The following CCDC117 variants were observed in gnomAD, a reference collection of about 807,000 sequenced individuals.
CCDC117 encodes the protein coiled-coil domain containing 117, also known as coiled-coil domain-containing protein 117.
CCDC117 carries 1 observed loss-of-function variant against 23.5 expected under a neutral mutation model. That is an observed-to-expected ratio of 0.04 (90% CI 0.02 to 0.20). CCDC117 has a LOEUF of 0.20. Among genes scored for constraint, CCDC117 ranks in the 10% least tolerant of loss-of-function variants. The pLI is 1.00. For missense variants in CCDC117, 383 were observed against 348.2 expected (o/e 1.10, Z -0.80); for synonymous variants, 132 against 124.8 (o/e 1.06, Z -0.39).
At chr22:28,780,619 C>G (rs1227947572) in intron 2 of CCDC117, among the ~76,000 whole-genome samples, 1 of 152,180 alleles carries the variant, frequency 6.6e-6, no homozygotes, top group Non-Finnish European at 1.5e-5. Flanking sequence ...GCCACCACAC[C>G]TAGCCAACTT....
Position 28,786,126 on chromosome 22 carries a change from C to T in CCDC117, c.640C>T (p.Leu214Phe). Residue 214 changes from leucine (L) to phenylalanine (F), a missense_variant, in exon 5 of 5, where the codon CTC becomes TTC. By Grantham distance (22) the Leu-to-Phe change is conservative (BLOSUM62 0). Coordinates refer to ENST00000249064, the MANE Select transcript of CCDC117 (RefSeq NM_173510.4). ...PSMELVLWKP[L>F]PELLSDKPKP... ...CATGGAGCTTGTTCTCTGGAAACCCCTCCCTGAACTCCTTTCTGATAAGCC... is the reference window on the plus strand; with the variant it reads ...CATGGAGCTTGTTCTCTGGAAACCCTTCCCTGAACTCCTTTCTGATAAGCC... The T allele has an allele frequency of 6.2e-7, 1 of 1,613,940 alleles. No homozygotes were observed.
In CCDC117 at chr22:28,787,530, A is replaced by T. The variant is rs1332360707; in HGVS notation, c.*1204A>T. On this transcript the variant is annotated 3_prime_UTR_variant, in exon 5 of 5. Transcript: ENST00000249064. The stretch of plus-strand genomic sequence containing the variant: ...GACATTGAGGTTTACTGAAATAGCC[A>T]ATTTGACTGGTGCTTAGACTATTGT... The T allele has an allele frequency of 1.3e-5, 2 of 152,282 alleles. No homozygotes were observed. Among genetic ancestry groups the T allele is most frequent in the Non-Finnish European group, 2.9e-5 (2 of 68,034 alleles). The allele number at this position is 152,282 out of a possible 1,614,324, so 9.4% of individuals were successfully genotyped here. A position where few individuals can be genotyped will look rare whatever the true frequency, so the allele number is the denominator to read the frequency against.
At chr22:28,783,230 A>G (rs145054487) in intron 3 of CCDC117, among the ~76,000 whole-genome samples, 1,913 of 151,878 alleles carry the variant, frequency 0.013, 45 homozygotes, top group African/African-American at 0.044. Flanking sequence ...TAGTAGAGAT[A>G]GGGTTTCACC....
At chr22:28,780,776 T>C (rs147396713) in intron 2 of CCDC117, among the ~76,000 whole-genome samples, 172 bp from the exon 3 acceptor site, 1 of 152,214 alleles carries the variant, frequency 6.6e-6, no homozygotes, top group Non-Finnish European at 1.5e-5. Flanking sequence ...GAAAACAGTT[T>C]AGTGTGGCTG....
In CCDC117 at chr22:28,789,161, CTTTG is replaced by C. The variant is rs963520297; in HGVS notation, c.*2839_*2842del. The C allele has an allele frequency of 3.3e-5, 5 of 152,020 alleles. No homozygotes were observed. The highest frequency in any genetic ancestry group is 7.3e-5 in the African/African-American group (3 of 41,370). 9.4% of individuals were successfully genotyped at this position (152,020 alleles called of 1,614,324 possible). On this transcript the variant is annotated 3_prime_UTR_variant, in exon 5 of 5. Transcript: ENST00000249064. ...TTATTATTTTGGATTTGGAACTTGG[CTTTG>C]TTTTTCAATAGTGACAAGAATGGTT...
At chr22:28,784,454 T>G (rs2031451020) in intron 4 of CCDC117, among the ~76,000 whole-genome samples, 1 of 152,190 alleles carries the variant, frequency 6.6e-6, no homozygotes, top group African/African-American at 2.4e-5. Context: ...TTAGATCGAG[T>G]TGGCACTCAA....
Position 28,772,756 on chromosome 22 carries a change from C to A in CCDC117, c.-94C>A. The stretch of plus-strand genomic sequence containing the variant: ...GTGGGGTCGAGAGCGGGATCCGAGG[C>A]TGGCGGGTTTTGGCAGTAGCTGTGG... On this transcript the variant is annotated 5_prime_UTR_variant, in exon 1 of 5. It adds an upstream start codon to the 5' untranslated region. Coordinates refer to ENST00000249064, the MANE Select transcript of CCDC117 (RefSeq NM_173510.4). 2 of 1,018,652 alleles carry A rather than the reference C, an allele frequency of 2.0e-6. No homozygotes were observed. Among genetic ancestry groups the A allele is most frequent in the Non-Finnish European group, 2.5e-6 (2 of 801,396 alleles). 63.1% of individuals were successfully genotyped at this position (1,018,652 alleles called of 1,614,324 possible).
At chr22:28,773,657 A>G in intron 1 of CCDC117, 68 bp from the exon 2 acceptor site, 1 of 1,297,650 alleles carries the variant, frequency 7.7e-7, no homozygotes, top group East Asian at 2.3e-5. Flanking sequence ...TTGGAGCAAG[A>G]AAGAGGATAC....
chr22:28,780,516 G>A (rs1053904781), intron 2 of CCDC117, among the ~76,000 whole-genome samples: 2 of 152,066 alleles, frequency 1.3e-5, no homozygotes. Context: ...GTTTGAATTA[G>A]CGTCTCACTA....
intron 3 of CCDC117, among the ~76,000 whole-genome samples, chr22:28,781,762 G>A (rs1481545141): frequency 6.6e-6 from 1 of 152,030 alleles, no homozygotes; most frequent in Non-Finnish European, 1.5e-5. Flanking sequence ...TCCTGCCCCA[G>A]CTTCCCAAGT....
chr22:28,775,438 G>A (rs890606541), intron 2 of CCDC117, among the ~76,000 whole-genome samples: 1 of 152,132 alleles, frequency 6.6e-6, no homozygotes. Context: ...TGATTTCCTT[G>A]ACGTGGAATT....
At chr22:28,779,980 T>G (rs1450580603) in intron 2 of CCDC117, among the ~76,000 whole-genome samples, 1 of 152,206 alleles carries the variant, frequency 6.6e-6, no homozygotes, top group Non-Finnish European at 1.5e-5. Flanking sequence ...CAAATACTAC[T>G]TGGTGGTAAG....
At position 28,787,062 on chromosome 22, in the gene CCDC117, T is replaced by TA. The variant is rs2031534265; in HGVS notation, c.*737dup. ...TAATTGACTTTGATAGTTAAAAGAT[T>TA]ATGAGGTAACCCATCTGCAATTTGC... On this transcript the variant is annotated 3_prime_UTR_variant, in exon 5 of 5. Coordinates refer to ENST00000249064, the MANE Select transcript of CCDC117 (RefSeq NM_173510.4). The TA allele has an allele frequency of 6.6e-6, 1 of 152,626 alleles. No homozygotes were observed. The highest frequency in any genetic ancestry group is 1.5e-5 in the Non-Finnish European group (1 of 68,038). 9.5% of individuals were successfully genotyped at this position (152,626 alleles called of 1,614,324 possible).
In CCDC117 at chr22:28,783,520, AGAT is replaced by A. The variant is rs1192070560; in HGVS notation, c.480_482del (p.Asp160del). The A allele has an allele frequency of 5.0e-6, 8 of 1,613,238 alleles. No homozygotes were observed. Among genetic ancestry groups the A allele is most frequent in the African/African-American group, 1.3e-5 (1 of 74,990 alleles). On this transcript the variant is annotated inframe_deletion, in exon 4 of 5. Coordinates refer to ENST00000249064, the MANE Select transcript of CCDC117 (RefSeq NM_173510.4). ...TTAATTGATTTAGGATAATTGATGAAGATGAAGAAGTTGAAGCTGACAGAAATG... is the reference window on the plus strand; with the variant it reads ...TTAATTGATTTAGGATAATTGATGAAGAAGAAGTTGAAGCTGACAGAAATG...
Position 28,780,909 on chromosome 22 carries a change from T to C in CCDC117, c.240-39T>C, listed in dbSNP as rs1339183979. On this transcript the variant is annotated intron_variant, in intron 2 of 4. Transcript: ENST00000249064. The stretch of plus-strand genomic sequence containing the variant: ...GGAATGATAAACATTTCATTTATAT[T>C]AGTTGGGATTTTCATTGAATTTTTT... 3 of 1,403,954 alleles carry C rather than the reference T, an allele frequency of 2.1e-6. No homozygotes were observed. In the Admixed American group the frequency reaches 5.6e-5, roughly 26 times the overall value. 87.0% of individuals were successfully genotyped at this position (1,403,954 alleles called of 1,614,324 possible). A position where few individuals can be genotyped will look rare whatever the true frequency, so the allele number is the denominator to read the frequency against.
chr22:28,783,277 G>A (rs1030958435), intron 3 of CCDC117, among the ~76,000 whole-genome samples: 6 of 151,906 alleles, frequency 3.9e-5, no homozygotes, highest in East Asian at 1.9e-4. Flanking sequence ...CTAACCTCAG[G>A]TGATCTGCCC....
At chr22:28,774,060 T>A in intron 2 of CCDC117, among the ~76,000 whole-genome samples, 1 of 133,728 alleles carries the variant, frequency 7.5e-6, no homozygotes, top group Non-Finnish European at 1.6e-5. Context: ...TATTGAAAAG[T>A]TTTGTTTTTG....
At chr22:28,778,541 G>A (rs2146248332) in intron 2 of CCDC117, among the ~76,000 whole-genome samples, 1 of 152,262 alleles carries the variant, frequency 6.6e-6, no homozygotes, top group East Asian at 1.9e-4. Flanking sequence ...CCAGGAGACG[G>A]AGGTTGCAGT....
chr22:28,773,067 G>GCA, intron 1 of CCDC117, 33 bp downstream of exon 1: 3 of 456,758 alleles, frequency 6.6e-6, no homozygotes, highest in Non-Finnish European at 7.5e-6. Flanking sequence ...GGCGCAGGGC[G>GCA]GGCGGGCGGG....
Sources: gnomAD v4.1 joint callset for allele counts (sites outside exome capture counted in the v4.1 genomes callset) on GRCh38, gnomAD v4.1.1 for gene constraint, MANE v1.5 for transcripts, NCBI Gene and HGNC (gene_info 2026-07-23, HGNC 2026-07-21) for gene names.